AP3B1: variants seen among roughly 807,000 people sequenced by gnomAD.
AP3B1 encodes the protein adaptor related protein complex 3 subunit beta 1.
Under a neutral mutation model 132.5 loss-of-function variants are expected in AP3B1, and 61 were observed. The ratio of observed to expected loss-of-function variants is 0.46; its 90% CI spans 0.37 to 0.57. The LOEUF is 0.57. Among genes scored for constraint, AP3B1 ranks in the 20% least tolerant of loss-of-function variants. The pLI, the probability that AP3B1 is intolerant of heterozygous loss-of-function variation, is 0.00. For synonymous variants in AP3B1, 388 were observed against 438.3 expected, an observed-to-expected ratio of 0.89 and a Z score of 1.43; for missense variants, 1,120 against 1,289.4, an observed-to-expected ratio of 0.87 and a Z score of 2.01.
chr5:78,118,791 T>G lies in AP3B1; in HGVS notation c.1969-2557A>C, dbSNP rs969095497. On this transcript the variant is annotated intron_variant, in intron 17 of 26. Coordinates refer to ENST00000255194, the MANE Select transcript of AP3B1 (RefSeq NM_003664.5). ...AAAGACAGCAGTAACCTCTGCAGAC[T>G]TAAATGTCCCTGTCTGACAGCTTTG... is the stretch of plus-strand genomic sequence containing the variant. 2.6e-5 allele frequency among the ~76,000 whole-genome samples: 4 copies of G among 152,296 alleles called. No individual in the cohort carries two copies. The East Asian group carries it at 7.7e-4, about 29-fold the overall frequency.
intron 22 of AP3B1, among the ~76,000 whole-genome samples, chr5:78,076,396 A>G (rs1490471832): frequency 6.6e-6 from 1 of 152,204 alleles, no homozygotes; most frequent in Non-Finnish European, 1.5e-5. Context: ...TAACCTAAAG[A>G]GGCTTAGGAC....
At chr5:78,265,583 A>G (rs1338018008) in intron 2 of AP3B1, among the ~76,000 whole-genome samples, 1 of 152,214 alleles carries the variant, frequency 6.6e-6, no homozygotes, top group Admixed American at 6.5e-5. Flanking sequence ...CTCCTTTCTA[A>G]GTCTGGATCA....
chr5:78,267,364 T>C (rs1400758363), intron 2 of AP3B1, among the ~76,000 whole-genome samples, 156 bp downstream of exon 2: 1 of 151,886 alleles, frequency 6.6e-6, no homozygotes, highest in African/African-American at 2.4e-5. Flanking sequence ...AATGTACTTT[T>C]TTCTTTAACA....
chr5:78,275,206 C>T (rs188447302), intron 1 of AP3B1, among the ~76,000 whole-genome samples: 1 of 152,142 alleles, frequency 6.6e-6, no homozygotes, highest in Non-Finnish European at 1.5e-5. Flanking sequence ...ATCGGAATGA[C>T]ATATTTAAAG....
At position 78,119,317 on chromosome 5, in the gene AP3B1, G is replaced by C. The variant is rs543639991; in HGVS notation, c.1969-3083C>G. 1.5e-4 allele frequency among the ~76,000 whole-genome samples: 23 copies of C among 152,302 alleles called. No individual in the cohort carries two copies. In the East Asian group the frequency reaches 3.9e-3, roughly 26 times the overall value. Reference sequence around the variant, plus strand: ...TCCAAAGGAACGCAGCTCCTCACCAGCAACAGAACAAAGCTGGACGGAGAA... The same window carrying C: ...TCCAAAGGAACGCAGCTCCTCACCACCAACAGAACAAAGCTGGACGGAGAA... On this transcript the variant is annotated intron_variant, in intron 17 of 26. Coordinates refer to ENST00000255194, the MANE Select transcript of AP3B1 (RefSeq NM_003664.5).
At chr5:78,282,170 C>T (rs1487408442) in intron 1 of AP3B1, among the ~76,000 whole-genome samples, 2 of 152,126 alleles carry the variant, frequency 1.3e-5, no homozygotes, top group African/African-American at 4.8e-5. Flanking sequence ...CCAAGGTCAC[C>T]AACAACTGCC....
chr5:78,129,164 G>C lies in AP3B1; in HGVS notation c.1794C>G (p.Phe598Leu). ...GALSKYAKKI[F>L]LAQKPAPLLE... Reference sequence around the variant, plus strand: ...GCAGTGGTGCAGGCTTTTGTGCTAGGAATATTTTTTTGGCATATTTACTTA... The same window carrying C: ...GCAGTGGTGCAGGCTTTTGTGCTAGCAATATTTTTTTGGCATATTTACTTA... The change falls in exon 16 of 27, where the codon TTC becomes TTG. Residue 598 changes from phenylalanine to leucine, a missense_variant. By Grantham distance (22) the Phe-to-Leu change is conservative. Coordinates refer to ENST00000255194, the MANE Select transcript of AP3B1 (RefSeq NM_003664.5). 6.2e-7 allele frequency: 1 copy of C among 1,613,264 alleles called. No individual in the cohort carries two copies. The highest frequency in any genetic ancestry group is 8.5e-7 in the Non-Finnish European group (1 of 1,179,506).
In AP3B1 at chr5:78,227,489, G is replaced by C; in HGVS notation, c.419C>G (p.Ser140Ter). 6.2e-7 allele frequency: 1 copy of C among 1,613,788 alleles called. No homozygotes were observed. Residue 140 changes from serine (S) to a stop codon, truncating the protein, a stop_gained, in exon 5 of 27, where the codon TCA (serine) becomes TGA (stop). Coordinates refer to ENST00000255194, the MANE Select transcript of AP3B1 (RefSeq NM_003664.5). LOFTEE classifies it high-confidence loss of function. ...LIRASALRVLSSIRVPIIVPI... is the reference protein window; with the variant it reads ...LIRASALRVL ...TACAATAATTGGCACTCTAATACTT[G>C]ACAGAACTCTCAAAGCGCTTGCACG... is the stretch of plus-strand genomic sequence containing the variant.
intron 2 of AP3B1, among the ~76,000 whole-genome samples, chr5:78,266,703 A>T (rs181580773): frequency 2.2e-4 from 33 of 152,310 alleles, no homozygotes; most frequent in Admixed American, 1.0e-3. Context: ...TAAAAAGGAT[A>T]GTGTTAATAA....
At chr5:78,010,546 T>C (rs1746578172) in intron 26 of AP3B1, among the ~76,000 whole-genome samples, 1 of 152,230 alleles carries the variant, frequency 6.6e-6, no homozygotes, top group African/African-American at 2.4e-5. Context: ...AGTGCTGTTA[T>C]CAGAGGACAT....
chr5:78,143,432 C>G (rs1036506626), intron 14 of AP3B1, among the ~76,000 whole-genome samples: 13 of 139,308 alleles, frequency 9.3e-5, no homozygotes, highest in African/African-American at 3.6e-4. Context: ...AATAAAATCC[C>G]CAAGAATTTT....
chr5:78,031,153 C>T (rs895522124), intron 24 of AP3B1, among the ~76,000 whole-genome samples: 4 of 152,116 alleles, frequency 2.6e-5, no homozygotes, highest in Admixed American at 6.5e-5. Context: ...CCAGAACACT[C>T]GATCAGTATT....
At chr5:78,105,006 TTTAATA>T (rs1471464954) in intron 20 of AP3B1, among the ~76,000 whole-genome samples, 2 of 152,204 alleles carry the variant, frequency 1.3e-5, no homozygotes, top group African/African-American at 2.4e-5. Flanking sequence ...CTGAAATGCT[TTTAATA>T]TTAAGTATTA....
At chr5:78,193,770 A>ATATTT in intron 7 of AP3B1, among the ~76,000 whole-genome samples, 25 of 67,212 alleles carry the variant, frequency 3.7e-4, no homozygotes, top group African/African-American at 1.3e-3. Context: ...ATATATATAT[A>ATATTT]TTTTTTTTTT....
intron 24 of AP3B1, among the ~76,000 whole-genome samples, chr5:78,032,730 A>T (rs1329406350): frequency 6.6e-6 from 1 of 151,954 alleles, no homozygotes; most frequent in Non-Finnish European, 1.5e-5. Context: ...GTGCTTAACA[A>T]AATCTAAAAT....
intron 7 of AP3B1, among the ~76,000 whole-genome samples, chr5:78,209,557 T>C (rs763377940): frequency 6.6e-6 from 1 of 152,212 alleles, no homozygotes; most frequent in Non-Finnish European, 1.5e-5. Flanking sequence ...ATCTTACAGG[T>C]ATTGACTAAT....
At chr5:78,057,177 A>G (rs1268130134) in intron 22 of AP3B1, among the ~76,000 whole-genome samples, 2 of 152,206 alleles carry the variant, frequency 1.3e-5, no homozygotes, top group Non-Finnish European at 2.9e-5. Flanking sequence ...ATCTAGTTCC[A>G]CAATCGACTG....
intron 21 of AP3B1, among the ~76,000 whole-genome samples, chr5:78,089,775 C>T (rs972908588): frequency 6.6e-6 from 1 of 152,114 alleles, no homozygotes; most frequent in Admixed American, 6.5e-5. Context: ...AACATTATCA[C>T]TAACATTTAT....
intron 11 of AP3B1, among the ~76,000 whole-genome samples, chr5:78,170,127 G>A (rs986311256): frequency 1.2e-4 from 19 of 152,146 alleles, no homozygotes; most frequent in African/African-American, 4.6e-4. Flanking sequence ...TGGTGTATAT[G>A]TGCCACATTT....
Sources: gnomAD v4.1 joint callset for allele counts (sites outside exome capture counted in the v4.1 genomes callset) on GRCh38, gnomAD v4.1.1 for gene constraint, MANE v1.5 for transcripts, NCBI Gene and HGNC (gene_info 2026-07-23, HGNC 2026-07-21) for gene names.